Variants in CFAP54 observed in about 807,000 individuals in gnomAD.
CFAP54 encodes cilia and flagella associated protein 54.
A neutral mutation model predicts 370.4 loss-of-function variants in CFAP54; 290 were observed. The observed-to-expected ratio is 0.78, with a 90% CI of 0.71 to 0.86. The LOEUF (loss-of-function observed/expected upper bound fraction) is 0.86. Among genes scored for constraint, CFAP54 ranks in the 40% least tolerant of loss-of-function variants. The pLI is 0.00. For synonymous variants in CFAP54, 1,206 were observed against 1,236.5 expected (o/e 0.98, Z 0.52); for missense variants, 3,399 against 3,528.7 (o/e 0.96, Z 0.93).
Position 96,763,383 on chromosome 12 carries a change from A to C in CFAP54, c.8041-768A>C, listed in dbSNP as rs946894132. On this transcript the variant is annotated intron_variant, in intron 58 of 67. Transcript: ENST00000524981. ...TTCTTAGCAGGAAATATGATAGCAA[A>C]TACTGCCAAAAATCTTTAAGCAATG... is the stretch of plus-strand genomic sequence containing the variant. Among the ~76,000 whole-genome samples, 7 of 152,286 alleles carry C rather than the reference A, an allele frequency of 4.6e-5. No individual in the cohort carries two copies. In the South Asian group the frequency reaches 1.0e-3, roughly 23 times the overall value.
chr12:96,727,820 G>A (rs1402832900), intron 50 of CFAP54, among the ~76,000 whole-genome samples: 1 of 151,836 alleles, frequency 6.6e-6, no homozygotes, highest in Non-Finnish European at 1.5e-5. Context: ...GGTACCGGTT[G>A]TTCCTTTCCA....
intron 40 of CFAP54, among the ~76,000 whole-genome samples, chr12:96,684,126 G>A (rs940691518): frequency 6.6e-6 from 1 of 152,120 alleles, no homozygotes; most frequent in Non-Finnish European, 1.5e-5. Context: ...TCTGCCTTCA[G>A]GTAAAAGGAG....
At chr12:96,707,064 C>T (rs1449231479) in intron 47 of CFAP54, among the ~76,000 whole-genome samples, 1 of 126,718 alleles carries the variant, frequency 7.9e-6, no homozygotes, top group Non-Finnish European at 1.6e-5. Flanking sequence ...CCAGGACAGT[C>T]CAATATTAAG....
intron 4 of CFAP54, among the ~76,000 whole-genome samples, chr12:96,512,353 A>G (rs1040006414): frequency 2.5e-4 from 33 of 134,050 alleles, no homozygotes; most frequent in African/African-American, 9.0e-4. Flanking sequence ...ATATATATGT[A>G]TATATTTGAG....
chr12:96,674,562 A>G (rs1485772144), intron 39 of CFAP54, among the ~76,000 whole-genome samples: 1 of 152,080 alleles, frequency 6.6e-6, no homozygotes, highest in Non-Finnish European at 1.5e-5. Flanking sequence ...CCACCAACAG[A>G]ACCCTAATTA....
intron 26 of CFAP54, among the ~76,000 whole-genome samples, chr12:96,613,900 C>A (rs943969799): frequency 5.0e-4 from 76 of 152,152 alleles, no homozygotes; most frequent in African/African-American, 1.7e-3. Flanking sequence ...AAGTCCAGGA[C>A]CAGATGGATT....
rs371932794 is a variant in CFAP54 at position 96,734,018 on chromosome 12, G to A, written c.6966-5938G>A. 1.2e-4 allele frequency among the ~76,000 whole-genome samples: 18 copies of A among 152,042 alleles called. No homozygotes were observed. In the South Asian group the frequency reaches 3.7e-3, roughly 32 times the overall value. On this transcript the variant is annotated intron_variant, in intron 50 of 67. Transcript: ENST00000524981. Reference sequence around the variant, plus strand: ...GGGAGGAAGAGTGTGGGGAGGGCACGTTTCCTGTGCACACACTGACTCCAT... The same window carrying A: ...GGGAGGAAGAGTGTGGGGAGGGCACATTTCCTGTGCACACACTGACTCCAT...
At chr12:96,610,912 A>G (rs934612143) in intron 26 of CFAP54, among the ~76,000 whole-genome samples, 2 of 152,242 alleles carry the variant, frequency 1.3e-5, no homozygotes, top group African/African-American at 4.8e-5. Context: ...GGTGGAGCCC[A>G]CCGCAGCTCA....
rs186749240 is a variant in CFAP54, at chr12:96,710,050, T to C, written c.6724+1247T>C. ...TTTTTACTTGTTAGATTCTGTTTGCTAGCATTTTGTTGAAAATGATTGCAT... is the reference window on the plus strand; with the variant it reads ...TTTTTACTTGTTAGATTCTGTTTGCCAGCATTTTGTTGAAAATGATTGCAT... On this transcript the variant is annotated intron_variant, in intron 48 of 67. Transcript: ENST00000524981. Among the ~76,000 whole-genome samples, 132 of 152,334 alleles carry C rather than the reference T, an allele frequency of 8.7e-4. 2 individuals carry two copies. Among genetic ancestry groups the C allele is most frequent in the Admixed American group, 3.6e-3 (55 of 15,300 alleles).
chr12:96,787,204 T>C (rs1958638131), intron 62 of CFAP54, among the ~76,000 whole-genome samples: 1 of 152,228 alleles, frequency 6.6e-6, no homozygotes, highest in African/African-American at 2.4e-5. Flanking sequence ...TACACAGATT[T>C]CAGTATCATC....
At chr12:96,538,618 T>C (rs1191894928) in intron 13 of CFAP54, 100 bp downstream of exon 13, 1 of 1,203,866 alleles carries the variant, frequency 8.3e-7, no homozygotes, top group Non-Finnish European at 1.2e-6. Context: ...TTTCACCTGG[T>C]TAATGACTTT....
At chr12:96,634,297 A>G (rs1956642076) in intron 32 of CFAP54, among the ~76,000 whole-genome samples, 2 of 151,698 alleles carry the variant, frequency 1.3e-5, no homozygotes, top group African/African-American at 2.4e-5. Context: ...CTCACGATCT[A>G]CTTGCTTCAG....
chr12:96,627,856 G>A (rs1468588771), intron 30 of CFAP54, among the ~76,000 whole-genome samples: 1 of 152,178 alleles, frequency 6.6e-6, no homozygotes, highest in Non-Finnish European at 1.5e-5. Context: ...GATACTTTCA[G>A]TGTACAGGCA....
At chr12:96,516,409 G>T (rs189096724) in intron 5 of CFAP54, among the ~76,000 whole-genome samples, 134 of 152,224 alleles carry the variant, frequency 8.8e-4, no homozygotes, top group Non-Finnish European at 1.4e-3. Context: ...CTCAAATGGA[G>T]AAGCTGCAGG....
chr12:96,583,271 C>CT (rs1230306854), intron 22 of CFAP54, among the ~76,000 whole-genome samples: 1 of 151,864 alleles, frequency 6.6e-6, no homozygotes, highest in Non-Finnish European at 1.5e-5. Flanking sequence ...TAGACTATTT[C>CT]TTTTTATTCC....
chr12:96,781,400 T>G (rs1258059232), intron 60 of CFAP54, among the ~76,000 whole-genome samples: 2 of 152,176 alleles, frequency 1.3e-5, no homozygotes, highest in Non-Finnish European at 2.9e-5. Context: ...AATTTTATCC[T>G]TTGTGGGTCA....
In CFAP54 at chr12:96,764,259, A is replaced by AT; in HGVS notation, c.8139+15dup. On this transcript the variant is annotated intron_variant, in intron 59 of 67. Transcript: ENST00000524981. ...AAGAGCTGCTGCACAGGTTGGTGTG[A>AT]TTTTTGTTTAATCTTTCTTCTTACT... The AT allele has an allele frequency of 1.9e-6, 3 of 1,593,894 alleles. No homozygotes were observed. The highest frequency in any genetic ancestry group is 2.6e-6 in the Non-Finnish European group (3 of 1,164,316).
At chr12:96,639,910 G>A (rs913830646) in intron 32 of CFAP54, among the ~76,000 whole-genome samples, 5 of 152,102 alleles carry the variant, frequency 3.3e-5, no homozygotes, top group Admixed American at 6.6e-5. Flanking sequence ...AATAAATTAG[G>A]TATTGATGGG....
chr12:96,862,203 AG>A (rs61095775), intron 67 of CFAP54, among the ~76,000 whole-genome samples: 7,874 of 152,274 alleles, frequency 0.052, 492 homozygotes, highest in African/African-American at 0.16. Context: ...ATATATGTAG[AG>A]GAAACAAGCC....
Sources: allele counts gnomAD v4.1 joint callset (sites outside exome capture counted in the v4.1 genomes callset), GRCh38; gene constraint gnomAD v4.1.1; transcripts MANE v1.5; gene names NCBI Gene and HGNC (gene_info 2026-07-23, HGNC 2026-07-21).